Variants in RYR3 observed in about 807,000 individuals in gnomAD.
RYR3 encodes brain ryanodine receptor-calcium release channel.
A neutral mutation model predicts 584.3 loss-of-function variants in RYR3; 207 were observed. The observed-to-expected ratio is 0.35, with a 90% CI of 0.32 to 0.40. RYR3 has a LOEUF of 0.40. RYR3 is among the 10% of genes least tolerant of loss of function. The pLI, the probability that RYR3 is intolerant of heterozygous loss-of-function variation, is 1.00. For synonymous variants in RYR3, 2,416 were observed against 2,248.5 expected (o/e 1.07, Z -2.11); for missense variants, 5,616 against 6,089.2 (o/e 0.92, Z 2.59).
chr15:33,732,298 G>A (rs1367280718), intron 48 of RYR3, among the ~76,000 whole-genome samples: 2 of 150,508 alleles, frequency 1.3e-5, no homozygotes, highest in South Asian at 4.3e-4. Flanking sequence ...TGAGGCAGGA[G>A]AATGGCGTGA....
intron 16 of RYR3, among the ~76,000 whole-genome samples, chr15:33,590,803 T>A (rs991387852): frequency 3.9e-5 from 6 of 152,132 alleles, no homozygotes; most frequent in Non-Finnish European, 8.8e-5. Flanking sequence ...ATCTCATAGG[T>A]TTGAGATGTA....
chr15:33,696,183 A>AG, intron 38 of RYR3, 35 bp from the exon 39 acceptor site: 1 of 1,586,502 alleles, frequency 6.3e-7, no homozygotes, highest in Non-Finnish European at 8.6e-7. Context: ...GAGCCATGAC[A>AG]GCCACAGTCC....
intron 3 of RYR3, among the ~76,000 whole-genome samples, chr15:33,518,947 CA>C (rs2053754981): frequency 6.6e-6 from 1 of 152,186 alleles, no homozygotes; most frequent in African/African-American, 2.4e-5. Flanking sequence ...TGGGGGTCTG[CA>C]AAGCACAGAA....
intron 10 of RYR3, among the ~76,000 whole-genome samples, chr15:33,554,448 A>G (rs1159530927): frequency 1.3e-5 from 2 of 151,776 alleles, no homozygotes; most frequent in African/African-American, 2.4e-5. Flanking sequence ...GGCACCCACC[A>G]CCACACCGGG....
At position 33,810,616 on chromosome 15, in the gene RYR3, G is replaced by A. The variant is rs1442287306; in HGVS notation, c.10164G>A (p.Glu3388=). 1 of 1,614,054 alleles carries A rather than the reference G, an allele frequency of 6.2e-7. No homozygotes were observed. ...GLNMCTPGDQ[E]LISLAKSRYS... ...ATATGTGTACTCCAGGCGACCAGGAGCTGATCTCCCTCGCAAAATCGCGAT... is the reference window on the plus strand; with the variant it reads ...ATATGTGTACTCCAGGCGACCAGGAACTGATCTCCCTCGCAAAATCGCGAT... The change falls in exon 71 of 104, where the codon GAG becomes GAA. Residue 3388 remains glutamate (E), a synonymous_variant. Transcript: ENST00000634891.
At chr15:33,593,389 A>G (rs2059227797) in intron 16 of RYR3, among the ~76,000 whole-genome samples, 1 of 152,146 alleles carries the variant, frequency 6.6e-6, no homozygotes, top group Admixed American at 6.5e-5. Flanking sequence ...GCTAATTTTT[A>G]GGAGGTTGTG....
rs1373335620 is a variant in RYR3, at chr15:33,864,850, T to G, written c.14518-281T>G. On this transcript the variant is annotated intron_variant, in intron 103 of 103. Transcript: ENST00000634891. Reference sequence around the variant, plus strand: ...GGCATGGAATCAGCTTATTGCTAAATCTTTAAGTATGTTTAGTGGCAAACA... The same window carrying G: ...GGCATGGAATCAGCTTATTGCTAAAGCTTTAAGTATGTTTAGTGGCAAACA... 8.3e-6 allele frequency: 3 copies of G among 361,130 alleles called. No individual in the cohort carries two copies. The East Asian group carries it at 1.4e-4, about 17-fold the overall frequency. The allele number at this position is 361,130 out of a possible 1,614,324, so 22.4% of individuals were successfully genotyped here.
chr15:33,531,766 G>T (rs989549867), intron 4 of RYR3, among the ~76,000 whole-genome samples: 2 of 152,010 alleles, frequency 1.3e-5, no homozygotes, highest in Non-Finnish European at 2.9e-5. Context: ...TATCCAAGTA[G>T]GAGATGGAGA....
chr15:33,791,472 ATCATC>A (rs2075153807), intron 67 of RYR3, among the ~76,000 whole-genome samples: 1 of 152,152 alleles, frequency 6.6e-6, no homozygotes, highest in Non-Finnish European at 1.5e-5. Context: ...AGGAAGCAAG[ATCATC>A]AGTTGGGAAT....
At chr15:33,733,471 A>G (rs1237883368) in intron 48 of RYR3, among the ~76,000 whole-genome samples, 2 of 152,336 alleles carry the variant, frequency 1.3e-5, no homozygotes, top group South Asian at 2.1e-4. Context: ...TTAAACCCAT[A>G]TTACTAAGTG....
intron 3 of RYR3, among the ~76,000 whole-genome samples, chr15:33,525,872 T>C (rs1465504320): frequency 6.6e-6 from 1 of 152,220 alleles, no homozygotes; most frequent in African/African-American, 2.4e-5. Flanking sequence ...GAAAGACTTC[T>C]TTCTTCTGTA....
intron 43 of RYR3, among the ~76,000 whole-genome samples, chr15:33,709,521 A>G (rs935197271): frequency 6.6e-6 from 1 of 152,210 alleles, no homozygotes; most frequent in Non-Finnish European, 1.5e-5. Flanking sequence ...ATGGGGCCTA[A>G]TTGGAGGTGT....
intron 36 of RYR3, among the ~76,000 whole-genome samples, chr15:33,667,535 C>G (rs995997531): frequency 6.6e-6 from 1 of 152,012 alleles, no homozygotes; most frequent in Non-Finnish European, 1.5e-5. Context: ...TTCAAGACCA[C>G]AGTGGATAGA....
intron 1 of RYR3, among the ~76,000 whole-genome samples, chr15:33,340,203 C>T (rs1313050381): frequency 6.6e-6 from 1 of 152,204 alleles, no homozygotes; most frequent in Non-Finnish European, 1.5e-5. Flanking sequence ...CTCACATCAC[C>T]ATGACACAAC....
intron 62 of RYR3, among the ~76,000 whole-genome samples, chr15:33,770,798 T>G (rs2152886589): frequency 6.6e-6 from 1 of 152,316 alleles, no homozygotes; most frequent in East Asian, 1.9e-4. Flanking sequence ...CCTAACTGAC[T>G]TTATTTCTTT....
At chr15:33,854,719 C>T in intron 97 of RYR3, 47 bp from the exon 98 acceptor site, 2 of 1,567,778 alleles carry the variant, frequency 1.3e-6, no homozygotes, top group Non-Finnish European at 1.7e-6. Context: ...ATAATGAGCA[C>T]ACTATGAGGC....
intron 12 of RYR3, among the ~76,000 whole-genome samples, chr15:33,574,315 C>T (rs1001358456): frequency 6.6e-6 from 1 of 152,148 alleles, no homozygotes; most frequent in African/African-American, 2.4e-5. Context: ...AAAACGTAAG[C>T]CCTGGAACTG....
chr15:33,813,702 C>A, intron 74 of RYR3, 123 bp downstream of exon 74: 3 of 775,170 alleles, frequency 3.9e-6, no homozygotes, highest in Non-Finnish European at 4.4e-6. Flanking sequence ...GCCTATGGAG[C>A]TATTGCAGTC....
chr15:33,771,307 G>A (rs1456772723), intron 62 of RYR3, among the ~76,000 whole-genome samples: 1 of 152,146 alleles, frequency 6.6e-6, no homozygotes, highest in South Asian at 2.1e-4. Flanking sequence ...AGGCCAAGGC[G>A]GGCGGATCAC....
Sources: allele counts gnomAD v4.1 joint callset (sites outside exome capture counted in the v4.1 genomes callset), GRCh38; gene constraint gnomAD v4.1.1; transcripts MANE v1.5; gene names NCBI Gene and HGNC (gene_info 2026-07-23, HGNC 2026-07-21).